Variants in CNBD1 observed in about 807,000 individuals in gnomAD.
The protein encoded by CNBD1 is cyclic nucleotide-binding domain-containing protein 1.
In CNBD1, 71 loss-of-function variants were observed where a neutral mutation model predicts 54.4. The ratio of observed to expected loss-of-function variants is 1.30; its 90% CI spans 1.08 to 1.59. CNBD1 has a LOEUF of 1.59. CNBD1 is among the 40% of genes most tolerant of loss of function. The pLI, the probability that CNBD1 is intolerant of heterozygous loss-of-function variation, is 0.00. For synonymous variants in CNBD1, 182 were observed against 170.7 expected (o/e 1.07, Z -0.51); for missense variants, 659 against 518.0 (o/e 1.27, Z -2.64).
chr8:86,942,994 T>C lies in CNBD1; in HGVS notation c.431+3240T>C, dbSNP rs549884901. ...TTTAAGTGATGTTATCTAATGAACT[T>C]TTGAAAATGTTACCTTCTATACTTT... is the stretch of plus-strand genomic sequence containing the variant. On this transcript the variant is annotated intron_variant, in intron 4 of 10. Transcript: ENST00000518476. 5.9e-5 allele frequency among the ~76,000 whole-genome samples: 9 copies of C among 152,228 alleles called. No homozygotes were observed. The South Asian group carries it at 1.9e-3, about 32-fold the overall frequency.
intron 4 of CNBD1, among the ~76,000 whole-genome samples, chr8:87,167,698 T>A (rs771624003): frequency 6.6e-6 from 1 of 151,984 alleles, no homozygotes; most frequent in Non-Finnish European, 1.5e-5. Flanking sequence ...TACATACTCA[T>A]GTTTTTTTAT....
chr8:87,370,613 G>C (rs1810764908), intron 10 of CNBD1, among the ~76,000 whole-genome samples: 1 of 151,960 alleles, frequency 6.6e-6, no homozygotes, highest in Admixed American at 6.6e-5. Context: ...GTTCATTGTA[G>C]ATTCTGGATA....
chr8:87,310,547 G>T (rs1809243560), intron 8 of CNBD1, among the ~76,000 whole-genome samples: 1 of 151,988 alleles, frequency 6.6e-6, no homozygotes. Context: ...TGTTAAAATG[G>T]CCATATTGCC....
At chr8:86,921,362 C>T (rs1445968935) in intron 3 of CNBD1, among the ~76,000 whole-genome samples, 1 of 151,778 alleles carries the variant, frequency 6.6e-6, no homozygotes, top group African/African-American at 2.4e-5. Context: ...TAAGTCAGCC[C>T]TATAGTTATT....
rs116307481 is a variant in CNBD1, at chr8:87,428,423, T to C, written c.214-123T>C. 5.0e-4 allele frequency: 157 copies of C among 315,266 alleles called. 2 individuals are homozygous for C. Among genetic ancestry groups the C allele is most frequent in the African/African-American group, 3.2e-3 (146 of 45,098 alleles). The allele number at this position is 315,266 out of a possible 1,614,324, so 19.5% of individuals were successfully genotyped here. Reference sequence around the variant, plus strand: ...AAGTACTAATGAATCAATTTAATTATTAGGGAAAATTTAATTTTGTCTACT... The same window carrying C: ...AAGTACTAATGAATCAATTTAATTACTAGGGAAAATTTAATTTTGTCTACT... On this transcript the variant is annotated intron_variant, in intron 2 of 7. Coordinates refer to the CNBD1 transcript ENST00000521593.
At chr8:86,883,317 A>C (rs1808631841) in intron 1 of CNBD1, among the ~76,000 whole-genome samples, 1 of 152,174 alleles carries the variant, frequency 6.6e-6, no homozygotes, top group Non-Finnish European at 1.5e-5. Flanking sequence ...AGTTTTGGTT[A>C]TCTTGAGTTT....
chr8:87,340,966 T>G (rs998154183), intron 8 of CNBD1, among the ~76,000 whole-genome samples: 2 of 152,138 alleles, frequency 1.3e-5, no homozygotes, highest in Admixed American at 6.6e-5. Context: ...CTTATAAATA[T>G]GTGTTAGTAT....
chr8:87,072,552 T>C (rs1033096764), intron 4 of CNBD1, among the ~76,000 whole-genome samples: 31 of 151,358 alleles, frequency 2.0e-4, no homozygotes, highest in Non-Finnish European at 4.1e-4. Flanking sequence ...ATCTTATTTC[T>C]CTTTCACTTA....
chr8:87,040,072 G>A (rs199504198), intron 4 of CNBD1, among the ~76,000 whole-genome samples: 9 of 152,000 alleles, frequency 5.9e-5, no homozygotes, highest in Non-Finnish European at 7.4e-5. Context: ...GAGCAATTTG[G>A]GGAAGGTCAA....
chr8:87,388,375 A>AAG (rs1554585844), intron 2 of CNBD1, among the ~76,000 whole-genome samples: 7 of 151,204 alleles, frequency 4.6e-5, no homozygotes, highest in Admixed American at 4.0e-4. Context: ...ATGAAGAAAA[A>AAG]AGAGAAGAAT....
intron 8 of CNBD1, among the ~76,000 whole-genome samples, chr8:87,349,215 C>T (rs913877351): frequency 7.2e-5 from 11 of 152,078 alleles, no homozygotes; most frequent in Non-Finnish European, 1.3e-4. Context: ...GGTATCCAAA[C>T]AACATTTATC....
At chr8:87,003,398 G>A (rs1172394062) in intron 4 of CNBD1, among the ~76,000 whole-genome samples, 4 of 152,082 alleles carry the variant, frequency 2.6e-5, no homozygotes, top group African/African-American at 4.8e-5. Context: ...ATAATAAAAG[G>A]GAGGCAGGGG....
intron 6 of CNBD1, among the ~76,000 whole-genome samples, chr8:87,250,510 T>C (rs920824403): frequency 1.3e-5 from 2 of 152,124 alleles, no homozygotes; most frequent in African/African-American, 4.8e-5. Context: ...ATATCAAAGA[T>C]ACATCCGCAC....
intron 8 of CNBD1, among the ~76,000 whole-genome samples, chr8:87,322,641 T>C (rs1809563071): frequency 1.1e-5 from 1 of 89,118 alleles, no homozygotes; most frequent in South Asian, 3.3e-4. Context: ...GCCCACTTTT[T>C]GATGGGGTTG....
chr8:86,986,773 C>G (rs1808618260), intron 4 of CNBD1, among the ~76,000 whole-genome samples: 1 of 152,078 alleles, frequency 6.6e-6, no homozygotes, highest in Admixed American at 6.6e-5. Context: ...ACAGGATGTT[C>G]TTACCTATTG....
At chr8:87,297,736 A>G (rs534259940) in intron 8 of CNBD1, among the ~76,000 whole-genome samples, 2 of 152,034 alleles carry the variant, frequency 1.3e-5, no homozygotes, top group South Asian at 4.2e-4. Context: ...TCTCAAGAAA[A>G]TGAAAACATA....
At chr8:87,352,620 G>C (rs1810328206) in intron 9 of CNBD1, among the ~76,000 whole-genome samples, 1 of 152,018 alleles carries the variant, frequency 6.6e-6, no homozygotes, top group African/African-American at 2.4e-5. Flanking sequence ...AAATAATTAT[G>C]GATACTTGTA....
intron 8 of CNBD1, among the ~76,000 whole-genome samples, chr8:87,349,446 G>T (rs1053989458): frequency 3.3e-5 from 5 of 152,152 alleles, no homozygotes; most frequent in Non-Finnish European, 7.3e-5. Flanking sequence ...CATGAGCTCA[G>T]CTCACTGCAA....
intron 4 of CNBD1, among the ~76,000 whole-genome samples, chr8:87,196,709 G>C (rs1023909388): frequency 6.6e-6 from 1 of 152,198 alleles, no homozygotes; most frequent in Non-Finnish European, 1.5e-5. Flanking sequence ...CTAATGATCA[G>C]AAGCCAGATA....
Sources: gnomAD v4.1 joint callset for allele counts (sites outside exome capture counted in the v4.1 genomes callset) on GRCh38, gnomAD v4.1.1 for gene constraint, MANE v1.5 for transcripts, NCBI Gene and HGNC (gene_info 2026-07-23, HGNC 2026-07-21) for gene names.